Variants in ULK2 observed in about 807,000 individuals in gnomAD.
ULK2 encodes the protein unc-51 like autophagy activating kinase 2.
Under a neutral mutation model 127.5 loss-of-function variants are expected in ULK2, and 76 were observed. The observed-to-expected ratio is 0.60, with a 90% CI of 0.50 to 0.72. ULK2 has a LOEUF of 0.72. Among genes scored for constraint, ULK2 ranks in the 30% least tolerant of loss-of-function variants. The pLI, the probability that ULK2 is intolerant of heterozygous loss-of-function variation, is 0.00. For missense variants in ULK2, 1,144 were observed against 1,295.9 expected, an observed-to-expected ratio of 0.88 and a Z score of 1.80; for synonymous variants, 452 against 461.9, an observed-to-expected ratio of 0.98 and a Z score of 0.28.
At chr17:19,823,126 A>ATTTTTTT (rs3884213) in intron 12 of ULK2, among the ~76,000 whole-genome samples, 37 of 112,990 alleles carry the variant, frequency 3.3e-4, no homozygotes, top group Middle Eastern at 0.012. Flanking sequence ...ACGCCTGGCT[A>ATTTTTTT]TTTTTTTTTT....
intron 3 of ULK2, among the ~76,000 whole-genome samples, 196 bp from the exon 4 acceptor site, chr17:19,849,970 G>GT (rs1301255607): frequency 1.3e-5 from 2 of 152,094 alleles, no homozygotes; most frequent in East Asian, 3.8e-4. Context: ...TCAAGTTTTG[G>GT]TAACACTAAT....
At chr17:19,813,217 A>G (rs978575322) in intron 13 of ULK2, among the ~76,000 whole-genome samples, 2 of 152,162 alleles carry the variant, frequency 1.3e-5, no homozygotes, top group African/African-American at 4.8e-5. Context: ...ATCATTCATC[A>G]AAGAGGCTTG....
intron 18 of ULK2, among the ~76,000 whole-genome samples, chr17:19,797,096 C>G (rs1193134109): frequency 6.6e-6 from 1 of 152,062 alleles, no homozygotes. Flanking sequence ...GAGTTAAAGA[C>G]CAGCCTGGCC....
chr17:19,818,992 G>A (rs1247210011), intron 12 of ULK2, among the ~76,000 whole-genome samples: 1 of 151,494 alleles, frequency 6.6e-6, no homozygotes, highest in Non-Finnish European at 1.5e-5. Flanking sequence ...GTAGAGACGG[G>A]GTTTCACCAT....
chr17:19,866,291 G>A (rs1227870105), intron 1 of ULK2, among the ~76,000 whole-genome samples: 1 of 151,842 alleles, frequency 6.6e-6, no homozygotes, highest in Non-Finnish European at 1.5e-5. Context: ...CCTGAGGTCA[G>A]GAGTTCAAGA....
At chr17:19,799,018 G>A (rs771440740) in intron 17 of ULK2, among the ~76,000 whole-genome samples, 16 of 151,968 alleles carry the variant, frequency 1.1e-4, no homozygotes, top group Admixed American at 5.2e-4. Context: ...AAAATTAGCC[G>A]GGCATGGTGT....
At chr17:19,780,835 G>A (rs1395702928) in intron 24 of ULK2, 151 bp downstream of exon 24, 2 of 937,004 alleles carry the variant, frequency 2.1e-6, no homozygotes, top group African/African-American at 3.3e-5. Context: ...CAATTGAACT[G>A]CAAAAAGCTA....
At chr17:19,840,714 TAAA>T (rs373676849) in intron 9 of ULK2, among the ~76,000 whole-genome samples, 9 of 121,132 alleles carry the variant, frequency 7.4e-5, no homozygotes, top group Non-Finnish European at 8.9e-5. Flanking sequence ...CCGTGTCCAC[TAAA>T]AAAAAAAAAA....
intron 3 of ULK2, among the ~76,000 whole-genome samples, chr17:19,856,389 T>C (rs935384066): frequency 2.0e-5 from 3 of 151,606 alleles, no homozygotes; most frequent in East Asian, 1.9e-4. Flanking sequence ...AAGACCATCC[T>C]GGCTAACACA....
intron 12 of ULK2, among the ~76,000 whole-genome samples, chr17:19,823,717 G>A (rs1363976953): frequency 1.3e-5 from 2 of 152,192 alleles, no homozygotes; most frequent in African/African-American, 2.4e-5. Flanking sequence ...CCGGCCCAAA[G>A]TCACTGAGTG....
In ULK2 at chr17:19,843,230, C is replaced by T. The variant is rs369390560; in HGVS notation, c.544-8G>A. 4 of 1,537,912 alleles carry T rather than the reference C, an allele frequency of 2.6e-6. No individual in the cohort carries two copies. Among genetic ancestry groups the T allele is most frequent in the Non-Finnish European group, 3.5e-6 (4 of 1,149,618 alleles). On this transcript the variant is annotated splice_polypyrimidine_tract_variant and splice_region_variant and intron_variant, in intron 7 of 26. Coordinates refer to ENST00000395544, the MANE Select transcript of ULK2 (RefSeq NM_014683.4). ...CATAATAACCTCAGGAGCCTGGGAA[C>T]AGAAAAATTTAAGGGGCATGCCGTA...
At chr17:19,797,335 G>T in intron 18 of ULK2, 61 bp downstream of exon 18, 1 of 1,477,806 alleles carries the variant, frequency 6.8e-7, no homozygotes, top group South Asian at 1.4e-5. Flanking sequence ...TTCTCATAAT[G>T]AATCCTTTCC....
At chr17:19,826,601 T>C (rs904955966) in intron 10 of ULK2, among the ~76,000 whole-genome samples, 1 of 152,146 alleles carries the variant, frequency 6.6e-6, no homozygotes, top group African/African-American at 2.4e-5. Context: ...ATACAGCTGA[T>C]TTATACAACA....
intron 3 of ULK2, among the ~76,000 whole-genome samples, chr17:19,861,979 T>G (rs1346132630): frequency 6.6e-6 from 1 of 152,252 alleles, no homozygotes; most frequent in East Asian, 1.9e-4. Context: ...CTGTGCATGC[T>G]ATTTGACTTG....
rs776353845 is a variant in ULK2, at chr17:19,795,861, C to T, written c.1998-136G>A. 120 of 948,002 alleles carry T rather than the reference C, an allele frequency of 1.3e-4. No individual in the cohort carries two copies. The highest frequency in any genetic ancestry group is 1.8e-4 in the Non-Finnish European group (116 of 636,324). 58.7% of individuals were successfully genotyped at this position (948,002 alleles called of 1,614,324 possible). ...AGGGTAGAGATAAACTTCAATAATA[C>T]AAATAAAGGACAGAAATAGAATATT... On this transcript the variant is annotated intron_variant, in intron 19 of 26. Transcript: ENST00000395544.
At chr17:19,779,158 C>A (rs1401866763) in intron 25 of ULK2, among the ~76,000 whole-genome samples, 1 of 152,010 alleles carries the variant, frequency 6.6e-6, no homozygotes, top group South Asian at 2.1e-4. Flanking sequence ...AATAAGGCCA[C>A]GGATGTAATA....
chr17:19,857,099 A>T (rs1289776424), intron 3 of ULK2, among the ~76,000 whole-genome samples: 1 of 150,908 alleles, frequency 6.6e-6, no homozygotes, highest in African/African-American at 2.4e-5. Flanking sequence ...TGAGGTCGGG[A>T]GTTCGAGACC....
At chr17:19,828,504 T>C (rs1187240540) in intron 10 of ULK2, among the ~76,000 whole-genome samples, 1 of 152,242 alleles carries the variant, frequency 6.6e-6, no homozygotes, top group Non-Finnish European at 1.5e-5. Flanking sequence ...AGTAGAGTTT[T>C]TGTGTGCAAC....
chr17:19,796,536 A>G (rs770524548), intron 18 of ULK2, among the ~76,000 whole-genome samples: 18 of 152,176 alleles, frequency 1.2e-4, no homozygotes, highest in Non-Finnish European at 2.2e-4. Flanking sequence ...GGGGATGTAA[A>G]AAAACTGATC....
Sources: allele counts gnomAD v4.1 joint callset (sites outside exome capture counted in the v4.1 genomes callset), GRCh38; gene constraint gnomAD v4.1.1; transcripts MANE v1.5; gene names NCBI Gene and HGNC (gene_info 2026-07-23, HGNC 2026-07-21).